PDSS2: variants seen among roughly 807,000 people sequenced by gnomAD.
PDSS2 encodes all trans-polyprenyl-diphosphate synthase PDSS2.
In PDSS2, 31 loss-of-function variants were observed where a neutral mutation model predicts 44.5. That is an observed-to-expected ratio of 0.70 (90% CI 0.52 to 0.94). PDSS2 has a LOEUF of 0.94. Among genes scored for constraint, PDSS2 ranks in the 40% least tolerant of loss-of-function variants. The pLI, the probability that PDSS2 is intolerant of heterozygous loss-of-function variation, is 0.00. For missense variants in PDSS2, 452 were observed against 482.2 expected (o/e 0.94, Z 0.59); for synonymous variants, 157 against 180.3 (o/e 0.87, Z 1.03).
intron 1 of PDSS2, among the ~76,000 whole-genome samples, chr6:107,388,090 G>A (rs1461534033): frequency 2.6e-5 from 4 of 151,926 alleles, no homozygotes; most frequent in African/African-American, 9.7e-5. Context: ...ATCAAAAAAC[G>A]AAGAAAAGAA....
chr6:107,361,262 A>C (rs1451013389), intron 1 of PDSS2, among the ~76,000 whole-genome samples: 1 of 152,218 alleles, frequency 6.6e-6, no homozygotes, highest in East Asian at 1.9e-4. Context: ...TTGAAGGTAA[A>C]CACCAGATAT....
chr6:107,173,077 T>G (rs1466868975), intron 7 of PDSS2, among the ~76,000 whole-genome samples: 1 of 149,326 alleles, frequency 6.7e-6, no homozygotes, highest in African/African-American at 2.5e-5. Flanking sequence ...TGACCTGAGA[T>G]TGTGCCACTG....
At chr6:107,370,403 C>A (rs745395634) in intron 1 of PDSS2, among the ~76,000 whole-genome samples, 2 of 152,168 alleles carry the variant, frequency 1.3e-5, no homozygotes, top group Non-Finnish European at 2.9e-5. Context: ...AAAGAACATG[C>A]AACAATCTAA....
intron 3 of PDSS2, among the ~76,000 whole-genome samples, chr6:107,255,708 C>T (rs1218908003): frequency 6.6e-6 from 1 of 152,090 alleles, no homozygotes; most frequent in Admixed American, 6.5e-5. Context: ...TATTCAATAT[C>T]ATGCTGAAAA....
chr6:107,408,326 T>C (rs9386639), intron 1 of PDSS2, among the ~76,000 whole-genome samples: 19,497 of 152,236 alleles, frequency 0.13, 1,484 homozygotes, highest in East Asian at 0.24. Context: ...CTAGCAGTTG[T>C]TATTAAATGA....
chr6:107,245,485 C>T (rs1036071964), intron 4 of PDSS2, 63 bp downstream of exon 4: 1 of 561,478 alleles, frequency 1.8e-6, no homozygotes, highest in Non-Finnish European at 3.1e-6. Context: ...ATGACATTTT[C>T]GTTATTCTAG....
intron 3 of PDSS2, among the ~76,000 whole-genome samples, chr6:107,272,355 C>T (rs1775629835): frequency 6.6e-6 from 1 of 152,194 alleles, no homozygotes; most frequent in Non-Finnish European, 1.5e-5. Context: ...AGGATGTACA[C>T]TGATCCAACC....
intron 3 of PDSS2, among the ~76,000 whole-genome samples, chr6:107,261,049 CTTCTT>C (rs2114880220): frequency 6.6e-6 from 1 of 152,312 alleles, no homozygotes; most frequent in East Asian, 1.9e-4. Flanking sequence ...ATTCAGTACT[CTTCTT>C]TTCCCTTTCT....
intron 1 of PDSS2, among the ~76,000 whole-genome samples, chr6:107,421,889 G>A (rs913993680): frequency 2.0e-5 from 3 of 151,422 alleles, no homozygotes; most frequent in Non-Finnish European, 4.4e-5. Flanking sequence ...TAGTTTAGTT[G>A]GCAGTACTGT....
At chr6:107,371,644 A>C (rs545447441) in intron 1 of PDSS2, among the ~76,000 whole-genome samples, 1 of 152,240 alleles carries the variant, frequency 6.6e-6, no homozygotes, top group Non-Finnish European at 1.5e-5. Flanking sequence ...ATTGACAACT[A>C]TAACATTAGT....
chr6:107,218,334 AGATGCCTCTTGGCCTCTAG>A (rs1204467627), intron 4 of PDSS2, among the ~76,000 whole-genome samples: 3 of 152,132 alleles, frequency 2.0e-5, no homozygotes, highest in African/African-American at 7.2e-5. Context: ...ATCACCTCCT[AGATGCCTCTTGGCCTCTAG>A]GAGGCCTCTG....
intron 1 of PDSS2, among the ~76,000 whole-genome samples, chr6:107,452,638 T>C (rs555461354): frequency 1.3e-5 from 2 of 152,220 alleles, no homozygotes; most frequent in South Asian, 4.1e-4. Context: ...TCACCCTCTT[T>C]ACAGGGTCTT....
rs1020452429 is a variant in PDSS2, at chr6:107,348,555, TAAATC to T, written c.297-14228_297-14224del. On this transcript the variant is annotated intron_variant, in intron 1 of 7. Coordinates refer to ENST00000369037, the MANE Select transcript of PDSS2 (RefSeq NM_020381.4). ...TAAATAATCACTGGAATATTAAACTTAAATCAAACAGCTATGGTTAATAGTTTTAA... is the reference window on the plus strand; with the variant it reads ...TAAATAATCACTGGAATATTAAACTTAAACAGCTATGGTTAATAGTTTTAA... 7.9e-5 allele frequency among the ~76,000 whole-genome samples: 12 copies of T among 152,338 alleles called. No homozygotes were observed. In the East Asian group the frequency reaches 1.2e-3, roughly 15 times the overall value.
At chr6:107,458,600 T>A (rs1782134250) in intron 1 of PDSS2, among the ~76,000 whole-genome samples, 1 of 151,602 alleles carries the variant, frequency 6.6e-6, no homozygotes, top group Non-Finnish European at 1.5e-5. Flanking sequence ...GCCTACTTTC[T>A]GGAGGTGACC....
intron 2 of PDSS2, among the ~76,000 whole-genome samples, chr6:107,282,115 A>G (rs563151216): frequency 1.3e-5 from 2 of 152,280 alleles, no homozygotes; most frequent in South Asian, 4.1e-4. Context: ...CATGTTGGCC[A>G]GGCTGGTCTC....
chr6:107,349,751 AAAACAAAC>A (rs34141361), intron 1 of PDSS2, among the ~76,000 whole-genome samples: 85 of 151,614 alleles, frequency 5.6e-4, no homozygotes, highest in Middle Eastern at 3.4e-3. Context: ...CTCAGCCTCA[AAAACAAAC>A]AAACAAACAA....
intron 1 of PDSS2, among the ~76,000 whole-genome samples, chr6:107,413,623 C>A (rs980812814): frequency 6.6e-6 from 1 of 152,094 alleles, no homozygotes; most frequent in Non-Finnish European, 1.5e-5. Context: ...TGCCACCATG[C>A]CCGGCTAATT....
chr6:107,293,880 G>C (rs140015864), intron 2 of PDSS2, among the ~76,000 whole-genome samples: 22 of 152,254 alleles, frequency 1.4e-4, no homozygotes, highest in African/African-American at 4.6e-4. Flanking sequence ...CTGGAGACTG[G>C]ATCAAAATAA....
chr6:107,203,283 C>T (rs183958118), intron 6 of PDSS2, among the ~76,000 whole-genome samples: 3 of 152,224 alleles, frequency 2.0e-5, no homozygotes, highest in Non-Finnish European at 4.4e-5. Flanking sequence ...CTTGTTTTAG[C>T]CTCTGAGTGC....
Sources: gnomAD v4.1 joint callset for allele counts (sites outside exome capture counted in the v4.1 genomes callset) on GRCh38, gnomAD v4.1.1 for gene constraint, MANE v1.5 for transcripts, NCBI Gene and HGNC (gene_info 2026-07-23, HGNC 2026-07-21) for gene names.